Variants in MACF1 observed in about 807,000 individuals in gnomAD.
The protein encoded by MACF1 is microtubule-actin cross-linking factor 1.
In MACF1, 193 loss-of-function variants were observed where a neutral mutation model predicts 854.8. The observed-to-expected ratio is 0.23, with a 90% confidence interval of 0.20 to 0.25. MACF1 has a LOEUF of 0.25. Ranked by LOEUF, MACF1 falls within the 10% of genes least tolerant of loss-of-function variation. The pLI, the probability that MACF1 is intolerant of heterozygous loss-of-function variation, is 1.00. For synonymous variants in MACF1, 3,185 were observed against 3,226.7 expected, an observed-to-expected ratio of 0.99 and a Z score of 0.44; for missense variants, 7,722 against 8,929.1, an observed-to-expected ratio of 0.86 and a Z score of 5.45.
intron 2 of MACF1, among the ~76,000 whole-genome samples, chr1:39,185,894 A>G (rs922418564): frequency 2.0e-5 from 3 of 152,162 alleles, no homozygotes; most frequent in African/African-American, 7.2e-5. Flanking sequence ...GGACCCAGGG[A>G]AGAAAGTTCC....
In MACF1 at chr1:39,437,951, C is replaced by T. The variant is rs771328229; in HGVS notation, c.18163C>T (p.Arg6055Cys). Residue 6055 changes from arginine (R) to cysteine (C), a missense_variant, in exon 71 of 101, where the codon CGT becomes TGT. Around this residue, in one of 15 missense-constraint regions of MACF1, gnomAD observed 2,807 missense variants for 3,235.8 expected, o/e 0.87. Coordinates refer to ENST00000564288, the MANE Select transcript of MACF1 (RefSeq NM_001394062.1). ...LQPSFEALKR[R>C]GEELIGRSQG... ...GCCATCCTTTGAGGCCTTGAAGCGC[C>T]GTGGAGAGGAGCTTATTGGACGATC... 4.3e-6 allele frequency: 7 copies of T among 1,613,886 alleles called. No individual in the cohort carries two copies. Among genetic ancestry groups the T allele is most frequent in the East Asian group, 2.2e-5 (1 of 44,880 alleles).
chr1:39,084,527 C>T lies in MACF1; in HGVS notation c.220+89C>T. 1 of 1,087,206 alleles carries T rather than the reference C, an allele frequency of 9.2e-7. No homozygotes were observed. The highest frequency in any genetic ancestry group is 1.3e-6 in the Non-Finnish European group (1 of 745,452). The allele number at this position is 1,087,206 out of a possible 1,614,324, so 67.3% of individuals were successfully genotyped here. ...GCAGCTGTGTGGGGAGCCGAGGGGTCCTCACCAGGGCCTCTGACAAAGCAG... is the reference window on the plus strand; with the variant it reads ...GCAGCTGTGTGGGGAGCCGAGGGGTTCTCACCAGGGCCTCTGACAAAGCAG... On this transcript the variant is annotated intron_variant, in intron 2 of 93. Transcript: ENST00000361689. This position sits in a 1 kb window ranked among gnomAD's most constrained non-coding sequence, Gnocchi z 5.2.
Position 39,387,917 on chromosome 1 carries a change from G to T in MACF1, c.15075G>T (p.Lys5025Asn). Reference protein sequence around the residue: ...FQESFKNIEKKVEGAKHQLEI... With the variant: ...FQESFKNIEKNVEGAKHQLEI... The stretch of plus-strand genomic sequence containing the variant: ...AAAGCTTTAAGAATATTGAAAAGAA[G>T]GTTGAAGGAGCCAAACACCAACTTG... The change falls in exon 58 of 101, where the codon AAG becomes AAT. Residue 5025 changes from lysine to asparagine, a missense_variant. Lys to Asn is a moderately conservative substitution (Grantham distance 94). This residue lies in a region of MACF1 where 2,807 missense variants were observed against 3,235.8 expected (regional missense o/e 0.87). Transcript: ENST00000564288. 6.2e-7 allele frequency: 1 copy of T among 1,613,950 alleles called. No homozygotes were observed. The highest frequency in any genetic ancestry group is 1.6e-4 in the Middle Eastern group (1 of 6,062).
At chr1:39,412,834 G>A (rs759174248) in intron 58 of MACF1, 3 of 1,611,554 alleles carry the variant, frequency 1.9e-6, no homozygotes, top group African/African-American at 1.3e-5. Flanking sequence ...CCCAGAGGAG[G>A]GTACCTCAAT....
chr1:39,381,378 T>C (rs61010279), intron 55 of MACF1, among the ~76,000 whole-genome samples: 1 of 101,958 alleles, frequency 9.8e-6, no homozygotes, highest in Non-Finnish European at 2.1e-5. Flanking sequence ...TTTTTTTTTT[T>C]GGGGGGGGGG....
chr1:39,412,501 C>G (rs750011342), intron 58 of MACF1: 1 of 1,613,978 alleles, frequency 6.2e-7, no homozygotes. Context: ...CTTCCCAGAG[C>G]AGGTCTTCCA....
intron 2 of MACF1, among the ~76,000 whole-genome samples, chr1:39,183,809 C>CCTT: frequency 1.3e-5 from 2 of 152,260 alleles, no homozygotes; most frequent in African/African-American, 4.8e-5. Context: ...TGCTCTGAGG[C>CCTT]CTTCTTTCTT....
At position 39,453,693 on chromosome 1, in the gene MACF1, T is replaced by C. The variant is rs1300292325; in HGVS notation, c.20743-14T>C. 1.2e-6 allele frequency: 2 copies of C among 1,613,428 alleles called. No individual in the cohort carries two copies. Among genetic ancestry groups the C allele is most frequent in the Middle Eastern group, 1.7e-4 (1 of 6,060 alleles). On this transcript the variant is annotated splice_polypyrimidine_tract_variant and intron_variant, in intron 87 of 100. Transcript: ENST00000564288. The stretch of plus-strand genomic sequence containing the variant: ...GACTTTTTACGTTTTTGTTTTCAAA[T>C]CTTTTTTGTTTAGGAATTCATGAAG...
chr1:39,410,535 T>G (rs771612078), intron 58 of MACF1: 1 of 1,613,860 alleles, frequency 6.2e-7, no homozygotes, highest in Non-Finnish European at 8.5e-7. Context: ...CACCAGAAGG[T>G]AAGAAGCTGG....
At chr1:39,239,289 AAAC>A (rs1644894773) in intron 2 of MACF1, among the ~76,000 whole-genome samples, 2 of 24,210 alleles carry the variant, frequency 8.3e-5, no homozygotes, top group East Asian at 2.0e-3. Flanking sequence ...TCAAAAAAAC[AAAC>A]AAACAAACAA....
At chr1:39,344,488 G>T (rs575680211) in intron 40 of MACF1, among the ~76,000 whole-genome samples, 1 of 152,044 alleles carries the variant, frequency 6.6e-6, no homozygotes, top group South Asian at 2.1e-4. Context: ...ACACTTGGAA[G>T]AGGGCCAAAC....
At chr1:39,207,953 G>T (rs1644471410) in intron 1 of MACF1, among the ~76,000 whole-genome samples, 1 of 151,726 alleles carries the variant, frequency 6.6e-6, no homozygotes, top group South Asian at 2.1e-4. Context: ...GGTCAACATG[G>T]TGAAACCCCA....
chr1:39,150,901 G>T (rs1643564701), intron 2 of MACF1, among the ~76,000 whole-genome samples: 2 of 151,788 alleles, frequency 1.3e-5, no homozygotes, highest in African/African-American at 2.4e-5. Context: ...CTAGGATTTT[G>T]TCCTTGGCAC....
At chr1:39,226,984 A>G (rs1644724183) in intron 1 of MACF1, among the ~76,000 whole-genome samples, 2 of 152,258 alleles carry the variant, frequency 1.3e-5, no homozygotes, top group South Asian at 4.1e-4. Context: ...TAATGGACAC[A>G]ACTTTAGTTA....
chr1:39,194,539 A>C (rs1439063901), intron 2 of MACF1, among the ~76,000 whole-genome samples: 1 of 151,180 alleles, frequency 6.6e-6, no homozygotes, highest in Non-Finnish European at 1.5e-5. Flanking sequence ...ATTTTAGTAG[A>C]GACGGGTGGC....
rs1161173682 is a variant in MACF1, at chr1:39,485,690, G to A, written c.22564G>A (p.Gly7522Ser). ...CACTTCAGAAAGCAGCGCTGCAGGG[G>A]GCCAAGGCAACTCCAGGAGAGGGCT... ...SDTSESSAAG[G>S]QGNSRRGLNK... The change falls in exon 101 of 101, where the codon GGC (glycine) becomes AGC (serine). Residue 7522 changes from glycine to serine, a missense_variant. Physicochemically the swap from Gly to Ser is moderately conservative, Grantham distance 56 (BLOSUM62 0). Transcript: ENST00000564288. 1 of 1,613,878 alleles carries A rather than the reference G, an allele frequency of 6.2e-7. No individual in the cohort carries two copies. The highest frequency in any genetic ancestry group is 1.3e-5 in the African/African-American group (1 of 74,854).
intron 2 of MACF1, among the ~76,000 whole-genome samples, chr1:39,099,964 T>A (rs1297930228): frequency 6.6e-6 from 1 of 152,088 alleles, no homozygotes; most frequent in Non-Finnish European, 1.5e-5. Context: ...ACCTGTAATC[T>A]CAGCACTTTG....
In MACF1 at chr1:39,483,174, A is replaced by C. The variant is rs114783680; in HGVS notation, c.22282-1427A>C. Among the ~76,000 whole-genome samples, 1,095 of 152,228 alleles carry C rather than the reference A, an allele frequency of 7.2e-3. 14 individuals carry two copies. The highest frequency in any genetic ancestry group is 0.025 in the African/African-American group (1,029 of 41,496). On this transcript the variant is annotated intron_variant, in intron 99 of 100. Coordinates refer to ENST00000564288, the MANE Select transcript of MACF1 (RefSeq NM_001394062.1). Reference sequence around the variant, plus strand: ...AAGCCTACTATCTAAAAAACCAAAAAAAATCACTCAAATAGGAAACATAGC... The same window carrying C: ...AAGCCTACTATCTAAAAAACCAAAACAAATCACTCAAATAGGAAACATAGC...
intron 38 of MACF1, among the ~76,000 whole-genome samples, chr1:39,338,250 T>G (rs1271304254): frequency 4.6e-5 from 2 of 43,612 alleles, no homozygotes; most frequent in South Asian, 1.7e-3. Flanking sequence ...GGAAAAAGGT[T>G]TTTTGGGTTG....
Sources: allele counts gnomAD v4.1 joint callset (sites outside exome capture counted in the v4.1 genomes callset), GRCh38; gene constraint gnomAD v4.1.1; regional missense constraint gnomAD v4.1.1; non-coding constraint Gnocchi (gnomAD v3.1); transcripts MANE v1.5; gene names NCBI Gene and HGNC (gene_info 2026-07-23, HGNC 2026-07-21).